XRCC4: variants seen among roughly 807,000 people sequenced by gnomAD.
XRCC4 encodes DNA repair protein XRCC4.
A neutral mutation model predicts 39.1 loss-of-function variants in XRCC4; 28 were observed. The ratio of observed to expected loss-of-function variants is 0.72; its 90% CI spans 0.53 to 0.98. The LOEUF is 0.98. XRCC4 is among the 50% of genes least tolerant of loss of function. The probability of loss-of-function intolerance (pLI) is 0.00; values close to 1 mark genes in which losing one functional copy is unlikely to be tolerated. For synonymous variants in XRCC4, 123 were observed against 126.4 expected (o/e 0.97, Z 0.18); for missense variants, 350 against 376.4 (o/e 0.93, Z 0.58).
intron 1 of XRCC4, among the ~76,000 whole-genome samples, chr5:83,082,848 C>T (rs1226806148): frequency 6.6e-6 from 1 of 152,160 alleles, no homozygotes; most frequent in Non-Finnish European, 1.5e-5. Context: ...CTCTGCTCTA[C>T]ATGATCTGGT....
In XRCC4 at chr5:83,333,116, G is replaced by GA. The variant is rs544453092; in HGVS notation, c.894-20005dup. Among the ~76,000 whole-genome samples, 779 of 148,520 alleles carry GA rather than the reference G, an allele frequency of 5.2e-3. 14 individuals carry two copies. Among genetic ancestry groups the GA allele is most frequent in the East Asian group, 0.029 (146 of 5,116 alleles). On this transcript the variant is annotated intron_variant, in intron 7 of 7. Coordinates refer to ENST00000396027, the MANE Select transcript of XRCC4 (RefSeq NM_003401.5). Reference sequence around the variant, plus strand: ...CAACAGAATTTTGAATATTGAACTTGAAAAAAAAAATACTTGGAGGGAAAC... The same window carrying GA: ...CAACAGAATTTTGAATATTGAACTTGAAAAAAAAAAATACTTGGAGGGAAAC...
In XRCC4 at chr5:83,111,085, A is replaced by G. The variant is rs1248297453; in HGVS notation, c.197A>G (p.Tyr66Cys). 6.2e-7 allele frequency: 1 copy of G among 1,612,320 alleles called. No homozygotes were observed. The highest frequency in any genetic ancestry group is 8.5e-7 in the Non-Finnish European group (1 of 1,179,160). ...GACATGGCAATGGAAAAAGGGAAAT[A>G]TGTTGGTGAACTGAGAAAAGCATTG... ...ADDMAMEKGK[Y>C]VGELRKALLS... The change falls in exon 3 of 8, where the codon TAT becomes TGT. Residue 66 changes from tyrosine (Y) to cysteine (C), a missense_variant. Physicochemically the swap from Tyr to Cys is radical, Grantham distance 194. Transcript: ENST00000396027.
rs75238608 is a variant in XRCC4, at chr5:83,342,995, T to G, written c.894-10136T>G. ...TATCAGCAAGTACCTGATATTTTGA[T>G]TTGGCTGTTTTTTAAGGTCATTTCG... is the stretch of plus-strand genomic sequence containing the variant. On this transcript the variant is annotated intron_variant, in intron 7 of 7. Transcript: ENST00000396027. Among the ~76,000 whole-genome samples the G allele has an allele frequency of 1.2e-3, 177 of 152,252 alleles. 2 individuals are homozygous for G. The East Asian group carries it at 0.023, about 20-fold the overall frequency.
At chr5:83,176,988 A>T (rs1749988010) in intron 3 of XRCC4, among the ~76,000 whole-genome samples, 1 of 152,160 alleles carries the variant, frequency 6.6e-6, no homozygotes, top group Non-Finnish European at 1.5e-5. Flanking sequence ...AAATTATTAA[A>T]ATATTTGTTT....
chr5:83,361,355 A>G, the XRCC4 span, among the ~76,000 whole-genome samples: 2 of 152,248 alleles, frequency 1.3e-5, no homozygotes, highest in East Asian at 3.9e-4. Flanking sequence ...GAGTTTCTGT[A>G]GGATATATTT....
chr5:83,259,858 A>G (rs781105728), intron 7 of XRCC4, among the ~76,000 whole-genome samples: 1 of 152,068 alleles, frequency 6.6e-6, no homozygotes, highest in Non-Finnish European at 1.5e-5. Flanking sequence ...CCTGAGAGCA[A>G]AAAGCTTTAA....
At chr5:83,364,013 T>C in the XRCC4 span, among the ~76,000 whole-genome samples, 1 of 152,162 alleles carries the variant, frequency 6.6e-6, no homozygotes, top group Non-Finnish European at 1.5e-5. Flanking sequence ...ATCCAGTCCA[T>C]GTGGAGGTTT....
At chr5:83,229,664 T>C (rs991332576) in intron 6 of XRCC4, among the ~76,000 whole-genome samples, 2 of 149,038 alleles carry the variant, frequency 1.3e-5, no homozygotes, top group African/African-American at 2.5e-5. Flanking sequence ...TTAAACTTTT[T>C]TTTTTTTTTT....
chr5:83,271,059 T>C (rs917267791), intron 7 of XRCC4, among the ~76,000 whole-genome samples: 2 of 152,196 alleles, frequency 1.3e-5, no homozygotes, highest in African/African-American at 2.4e-5. Flanking sequence ...TCCTGGATTG[T>C]CTTTCACAGG....
intron 7 of XRCC4, among the ~76,000 whole-genome samples, chr5:83,332,557 G>A (rs1756472203): frequency 6.6e-6 from 1 of 152,112 alleles, no homozygotes; most frequent in Non-Finnish European, 1.5e-5. Context: ...GAAAAATGGA[G>A]TTTATAATCT....
intron 3 of XRCC4, among the ~76,000 whole-genome samples, chr5:83,131,771 T>A (rs1460647597): frequency 6.6e-6 from 1 of 152,146 alleles, no homozygotes; most frequent in Non-Finnish European, 1.5e-5. Flanking sequence ...AGCCTATGTG[T>A]GTCTCTGCAC....
intron 6 of XRCC4, among the ~76,000 whole-genome samples, chr5:83,241,217 A>G (rs1752895918): frequency 1.3e-5 from 2 of 150,630 alleles, no homozygotes; most frequent in African/African-American, 4.9e-5. Context: ...CACTCCAGCC[A>G]GGGCAACAAA....
intron 3 of XRCC4, among the ~76,000 whole-genome samples, chr5:83,162,940 C>CTTTTTTTTTTTTTTTTTTTTTTTT (rs1749287543): frequency 8.3e-6 from 1 of 120,192 alleles, no homozygotes; most frequent in African/African-American, 3.0e-5. Context: ...TTTTCTTTTT[C>CTTTTTTTTTTTTTTTTTTTTTTTT]TTTCTTTCTT....
At chr5:83,157,153 G>A (rs922664535) in intron 3 of XRCC4, among the ~76,000 whole-genome samples, 2 of 152,114 alleles carry the variant, frequency 1.3e-5, no homozygotes, top group Non-Finnish European at 2.9e-5. Flanking sequence ...TTAGTTGCAA[G>A]TCTTCTAGCA....
At position 83,255,562 on chromosome 5, in the gene XRCC4, T is replaced by A. The variant is rs140368688; in HGVS notation, c.746-2968T>A. 2.7e-3 allele frequency among the ~76,000 whole-genome samples: 404 copies of A among 152,270 alleles called. 3 individuals are homozygous for A. Among genetic ancestry groups the A allele is most frequent in the African/African-American group, 9.4e-3 (391 of 41,548 alleles). ...TATAATAATGATAGTCACCAAGAAG[T>A]TTGAAGTATGAGAACATTAGACACT... On this transcript the variant is annotated intron_variant, in intron 6 of 7. Transcript: ENST00000396027.
rs553047872 is a variant in XRCC4 at position 83,236,376 on chromosome 5, G to GC, written c.746-22152dup. Among the ~76,000 whole-genome samples the GC allele has an allele frequency of 2.2e-3, 331 of 152,030 alleles. 1 individual carries two copies. The highest frequency in any genetic ancestry group is 5.8e-3 in the Admixed American group (88 of 15,262). On this transcript the variant is annotated intron_variant, in intron 6 of 7. Transcript: ENST00000396027. ...CTGTCTCATAAAAACAGACACATAA[G>GC]CCACTGGAACAGAATAGAGAACCCT...
chr5:83,190,186 T>C (rs1750631827), intron 3 of XRCC4, among the ~76,000 whole-genome samples: 2 of 152,220 alleles, frequency 1.3e-5, no homozygotes, highest in African/African-American at 2.4e-5. Flanking sequence ...CAACTTGTAG[T>C]TGATGAGGAA....
chr5:83,350,129 T>C (rs1012981180), intron 7 of XRCC4, among the ~76,000 whole-genome samples: 1 of 152,214 alleles, frequency 6.6e-6, no homozygotes, highest in Admixed American at 6.5e-5. Flanking sequence ...TTCCATAGTG[T>C]ATATGTAATA....
intron 3 of XRCC4, among the ~76,000 whole-genome samples, chr5:83,183,961 A>G (rs1750320235): frequency 6.6e-6 from 1 of 152,192 alleles, no homozygotes; most frequent in African/African-American, 2.4e-5. Context: ...CTAGGTAAAT[A>G]AGATTATATA....
Sources: allele counts gnomAD v4.1 joint callset (sites outside exome capture counted in the v4.1 genomes callset), GRCh38; gene constraint gnomAD v4.1.1; transcripts MANE v1.5; gene names NCBI Gene and HGNC (gene_info 2026-07-23, HGNC 2026-07-21).